Variants in IGFN1 observed in about 807,000 individuals in gnomAD.
IGFN1 encodes immunoglobulin like and fibronectin type III domain containing 1, also known as immunoglobulin-like and fibronectin type III domain-containing protein 1.
In IGFN1, 253 loss-of-function variants were observed where a neutral mutation model predicts 289.5. The ratio of observed to expected loss-of-function variants is 0.87; its 90% CI spans 0.79 to 0.97. The LOEUF (loss-of-function observed/expected upper bound fraction) is 0.97. Among genes scored for constraint, IGFN1 ranks in the 50% least tolerant of loss-of-function variants. IGFN1 has a pLI of 0.00. For synonymous variants in IGFN1, 1,706 were observed against 1,788.5 expected (o/e 0.95, Z 1.16); for missense variants, 4,470 against 4,686.1 (o/e 0.95, Z 1.35).
rs372970660 is a variant in IGFN1, at chr1:201,194,229, C to T, written c.83C>T (p.Thr28Met). The T allele has an allele frequency of 1.2e-4, 186 of 1,551,470 alleles. No individual in the cohort carries two copies. The highest frequency in any genetic ancestry group is 1.3e-4 in the Non-Finnish European group (152 of 1,146,966). The change falls in exon 3 of 24, where the codon ACG becomes ATG. Residue 28 changes from threonine (T) to methionine (M), a missense_variant. By Grantham distance (81) the Thr-to-Met change is moderately conservative. Transcript: ENST00000335211. Reference sequence around the variant, plus strand: ...GAGGAGATCCCTGAAGGCTGCAGCACGCCGGACTTTGAGCAGAAGCCCGTC... The same window carrying T: ...GAGGAGATCCCTGAAGGCTGCAGCATGCCGGACTTTGAGCAGAAGCCCGTC... ...LVEEIPEGCS[T>M]PDFEQKPVTS...
At position 201,228,411 on chromosome 1, in the gene IGFN1, C is replaced by T. The variant is rs1400888489; in HGVS notation, c.*12C>T. ...AACCCAGCACCTAGCCTCACCTCACCCTGGGATGGTCCTGGACCCTTGAAG... is the reference window on the plus strand; with the variant it reads ...AACCCAGCACCTAGCCTCACCTCACTCTGGGATGGTCCTGGACCCTTGAAG... On this transcript the variant is annotated 3_prime_UTR_variant, in exon 24 of 24. Coordinates refer to ENST00000335211, the MANE Select transcript of IGFN1 (RefSeq NM_001164586.2). The T allele has an allele frequency of 6.2e-7, 1 of 1,613,900 alleles. No individual in the cohort carries two copies. The highest frequency in any genetic ancestry group is 8.5e-7 in the Non-Finnish European group (1 of 1,179,820).
intron 23 of IGFN1, among the ~76,000 whole-genome samples, chr1:201,227,916 A>G (rs1654219796): frequency 6.6e-6 from 1 of 152,232 alleles, no homozygotes; most frequent in South Asian, 2.1e-4. Flanking sequence ...CTAGAAAGCC[A>G]TGCTGATTCT....
rs1210993759 is a variant in IGFN1 at position 201,205,155 on chromosome 1, T to C, written c.990T>C (p.Cys330=). The C allele has an allele frequency of 1.9e-6, 3 of 1,551,020 alleles. No homozygotes were observed. The South Asian group carries it at 3.6e-5, about 18-fold the overall frequency. Residue 330 remains cysteine, a synonymous_variant, in exon 11 of 24, where the codon TGT becomes TGC. Transcript: ENST00000335211. Reference sequence around the variant, plus strand: ...AGCAGGGTGACGCAGTCTTTGAATGTACCCTCTCCAGCCCCTGCCCTAGTG... The same window carrying C: ...AGCAGGGTGACGCAGTCTTTGAATGCACCCTCTCCAGCCCCTGCCCTAGTG... The part of the protein sequence containing the change: ...CEEQGDAVFE[C]TLSSPCPSAA...
chr1:201,207,788 A>C lies in IGFN1; in HGVS notation c.2895A>C (p.Ile965=), dbSNP rs980815753. The change falls in exon 12 of 24, where the codon ATA becomes ATC. Residue 965 remains isoleucine, a synonymous_variant. Coordinates refer to ENST00000335211, the MANE Select transcript of IGFN1 (RefSeq NM_001164586.2). ...YEGGLGYSRE[I]SSKSGAGYSY... ...GTGGCTTAGGATATTCTAGGGAAAT[A>C]AGCTCTAAAAGCGGGGCTGGTTATA... 3 of 1,535,938 alleles carry C rather than the reference A, an allele frequency of 2.0e-6. No individual in the cohort carries two copies. Among genetic ancestry groups the C allele is most frequent in the African/African-American group, 2.7e-5 (2 of 72,886 alleles).
In IGFN1 at chr1:201,218,463, G is replaced by A. The variant is rs986309174; in HGVS notation, c.9770-67G>A. ...GCTTGGTCTCCTTCAGAACTTGGAG[G>A]CACCCAAGCTATCTCCCCATGTCCA... On this transcript the variant is annotated intron_variant, in intron 17 of 23. Coordinates refer to ENST00000335211, the MANE Select transcript of IGFN1 (RefSeq NM_001164586.2). The A allele has an allele frequency of 3.9e-6, 6 of 1,530,754 alleles. No homozygotes were observed. In the African/African-American group the frequency reaches 6.8e-5, roughly 17 times the overall value. 94.8% of individuals were successfully genotyped at this position (1,530,754 alleles called of 1,614,324 possible). A position where few individuals can be genotyped will look rare whatever the true frequency, so the allele number is the denominator to read the frequency against.
At position 201,221,659 on chromosome 1, in the gene IGFN1, T is replaced by C. The variant is rs1188107894; in HGVS notation, c.10114T>C (p.Tyr3372His). 6.2e-7 allele frequency: 1 copy of C among 1,614,202 alleles called. No individual in the cohort carries two copies. The change falls in exon 19 of 24, where the codon TAC (tyrosine) becomes CAC (histidine). Residue 3372 changes from tyrosine (Y) to histidine (H), a missense_variant. By Grantham distance (83) the Tyr-to-His change is moderately conservative. Around this residue, in one of 8 missense-constraint regions of IGFN1, gnomAD observed 2,218 missense variants for 2,114.1 expected, o/e 1.05. Coordinates refer to ENST00000335211, the MANE Select transcript of IGFN1 (RefSeq NM_001164586.2). ...TAKGLRPGEG[Y>H]FVRVTAVNEG... is the part of the protein sequence containing the mutation. ...CAAGGGGCTTCGGCCTGGAGAGGGC[T>C]ACTTCGTGCGGGTGACAGCAGTTAA...
At chr1:201,224,966 A>T in intron 21 of IGFN1, 92 bp downstream of exon 21, 2 of 890,084 alleles carry the variant, frequency 2.2e-6, no homozygotes, top group South Asian at 3.8e-5. Context: ...GGTCTCAGCC[A>T]CTCTACCAGG....
At position 201,195,822 on chromosome 1, in the gene IGFN1, GTC is replaced by G; in HGVS notation, c.128-13_128-12del. The G allele has an allele frequency of 6.5e-7, 1 of 1,549,918 alleles. No individual in the cohort carries two copies. The highest frequency in any genetic ancestry group is 2.0e-5 in the Admixed American group (1 of 50,862). ...TCCCAACTTGTCAGTCTCCCTACTC[GTC>G]TCTTCCTGCTGCAGGGAAAAATGCT... On this transcript the variant is annotated splice_polypyrimidine_tract_variant and intron_variant, in intron 3 of 23. Coordinates refer to ENST00000335211, the MANE Select transcript of IGFN1 (RefSeq NM_001164586.2).
chr1:201,216,533 A>G lies in IGFN1; in HGVS notation c.9375A>G (p.Pro3125=). Residue 3125 remains proline, a synonymous_variant, in exon 16 of 24, where the codon CCA becomes CCG. Transcript: ENST00000335211. Reference sequence around the variant, plus strand: ...GCGTCTGCCTCCGCTGGCGGCCCCCAAGGGACAATGGGGGCCGGACTGTAG... The same window carrying G: ...GCGTCTGCCTCCGCTGGCGGCCCCCGAGGGACAATGGGGGCCGGACTGTAG... ...RAGVCLRWRP[P]RDNGGRTVEC... is the part of the protein sequence containing the mutation. The G allele has an allele frequency of 1.2e-6, 2 of 1,612,434 alleles. No homozygotes were observed. The highest frequency in any genetic ancestry group is 1.7e-6 in the Non-Finnish European group (2 of 1,179,298).
At chr1:201,192,028 C>T (rs1248726006) in intron 1 of IGFN1, among the ~76,000 whole-genome samples, 1 of 152,226 alleles carries the variant, frequency 6.6e-6, no homozygotes, top group Non-Finnish European at 1.5e-5. Flanking sequence ...CTGGCCGTGT[C>T]CAGCTGGGTC....
chr1:201,212,796 A>G lies in IGFN1; in HGVS notation c.7903A>G (p.Ser2635Gly). 6.4e-7 allele frequency: 1 copy of G among 1,551,532 alleles called. No homozygotes were observed. The highest frequency in any genetic ancestry group is 8.7e-7 in the Non-Finnish European group (1 of 1,146,924). Residue 2635 changes from serine (S) to glycine (G), a missense_variant, in exon 12 of 24, where the codon AGC (serine) becomes GGC (glycine). By Grantham distance (56) the Ser-to-Gly change is moderately conservative. Around this residue, in one of 8 missense-constraint regions of IGFN1, gnomAD observed 2,218 missense variants for 2,114.1 expected, o/e 1.05. Transcript: ENST00000335211. Reference protein sequence around the residue: ...WAPDWENQGFSQGSIDAGKQP... With the variant: ...WAPDWENQGFGQGSIDAGKQP... Reference sequence around the variant, plus strand: ...TCCTGATTGGGAAAACCAGGGGTTTAGCCAAGGCAGCATAGATGCTGGGAA... The same window carrying G: ...TCCTGATTGGGAAAACCAGGGGTTTGGCCAAGGCAGCATAGATGCTGGGAA...
chr1:201,205,184 C>G lies in IGFN1; in HGVS notation c.1019C>G (p.Ala340Gly), dbSNP rs61749969. ...CTLSSPCPSA[A>G]WHFRHRLLHP... ...CTCTCCAGCCCCTGCCCTAGTGCAGCCTGGCATTTCCGGCACCGGCTACTC... is the reference window on the plus strand; with the variant it reads ...CTCTCCAGCCCCTGCCCTAGTGCAGGCTGGCATTTCCGGCACCGGCTACTC... Residue 340 changes from alanine (A) to glycine (G), a missense_variant, in exon 11 of 24, where the codon GCC becomes GGC. Physicochemically the swap from Ala to Gly is moderately conservative, Grantham distance 60. Around this residue, in one of 8 missense-constraint regions of IGFN1, gnomAD observed 2,011 missense variants for 1,953.4 expected, o/e 1.03. Coordinates refer to ENST00000335211, the MANE Select transcript of IGFN1 (RefSeq NM_001164586.2). 2.0e-3 allele frequency: 3,166 copies of G among 1,551,304 alleles called. 67 individuals carry two copies. The African/African-American group carries it at 0.039, about 19-fold the overall frequency.
chr1:201,211,043 A>C lies in IGFN1; in HGVS notation c.6150A>C (p.Ala2050=). 1 of 1,500,222 alleles carries C rather than the reference A, an allele frequency of 6.7e-7. No homozygotes were observed. Among genetic ancestry groups the C allele is most frequent in the South Asian group, 1.2e-5 (1 of 81,964 alleles). The allele number at this position is 1,500,222 out of a possible 1,614,324, so 92.9% of individuals were successfully genotyped here. ...APERIGSGSK[A]GFRDGLGSSV... ...AGAGAATAGGTTCAGGAAGTAAGGC[A>C]GGTTTTAGGGATGGTTTAGGGAGTT... is the stretch of plus-strand genomic sequence containing the variant. Residue 2050 remains alanine, a synonymous_variant, in exon 12 of 24, where the codon GCA becomes GCC. Coordinates refer to ENST00000335211, the MANE Select transcript of IGFN1 (RefSeq NM_001164586.2).
intron 11 of IGFN1, 105 bp from the exon 12 acceptor site, chr1:201,205,978 T>C (rs1323993122): frequency 3.7e-6 from 3 of 819,810 alleles, no homozygotes; most frequent in East Asian, 5.3e-5. Flanking sequence ...GGCAAGCAGC[T>C]GGGCTCAGGC....
chr1:201,195,007 C>G (rs566276377), intron 3 of IGFN1, among the ~76,000 whole-genome samples: 6 of 152,258 alleles, frequency 3.9e-5, no homozygotes, highest in African/African-American at 7.2e-5. Context: ...GCCTCCATGA[C>G]AGGCATGGAG....
rs988079489 is a variant in IGFN1 at position 201,211,897 on chromosome 1, G to T, written c.7004G>T (p.Gly2335Val). Residue 2335 changes from glycine to valine, a missense_variant, in exon 12 of 24, where the codon GGG (glycine) becomes GTG (valine). By Grantham distance (109) the Gly-to-Val change is moderately radical. Around this residue, in one of 8 missense-constraint regions of IGFN1, gnomAD observed 2,218 missense variants for 2,114.1 expected, o/e 1.05. Transcript: ENST00000335211. Reference sequence around the variant, plus strand: ...GGGGGAACTAGTGGCATGGGGTCAGGGAGTGAGGTCAGTTATAGAGGAGGC... The same window carrying T: ...GGGGGAACTAGTGGCATGGGGTCAGTGAGTGAGGTCAGTTATAGAGGAGGC... ...GFGGTSGMGSGSEVSYRGGSG... is the reference protein window; with the variant it reads ...GFGGTSGMGSVSEVSYRGGSG... The T allele has an allele frequency of 3.9e-6, 6 of 1,529,832 alleles. No individual in the cohort carries two copies. The highest frequency in any genetic ancestry group is 5.2e-6 in the Non-Finnish European group (6 of 1,143,126). 94.8% of individuals were successfully genotyped at this position (1,529,832 alleles called of 1,614,324 possible). A position where few individuals can be genotyped will look rare whatever the true frequency, so the allele number is the denominator to read the frequency against.
intron 15 of IGFN1, 105 bp from the exon 16 acceptor site, chr1:201,216,349 G>A (rs1219137829): frequency 1.2e-5 from 11 of 902,044 alleles, no homozygotes; most frequent in Non-Finnish European, 1.8e-5. Flanking sequence ...ATGAGTGGAT[G>A]GGGGTGGGGG....
Position 201,197,311 on chromosome 1 carries a change from A to C in IGFN1, c.361A>C (p.Ile121Leu), listed in dbSNP as rs1043923952. ...CGCTTGCTCAGTGAGACTCACTGTC[A>C]TCGAAGGTGGGCTTTTCCCTGAGTT... is the stretch of plus-strand genomic sequence containing the variant. ...EAACSVRLTV[I>L]EVGFRKNRKR... The change falls in exon 5 of 24, where the codon ATC becomes CTC. Residue 121 changes from isoleucine to leucine, a missense_variant. Physicochemically the swap from Ile to Leu is conservative, Grantham distance 5. Transcript: ENST00000335211. The C allele has an allele frequency of 6.5e-7, 1 of 1,543,774 alleles. No homozygotes were observed. Among genetic ancestry groups the C allele is most frequent in the Non-Finnish European group, 8.8e-7 (1 of 1,140,014 alleles).
At position 201,190,886 on chromosome 1, in the gene IGFN1, G is replaced by A. The variant is rs1023859011; in HGVS notation, c.-69G>A. ...GGGGAAGAGGGAGCAGACAGGAAGC[G>A]GGAGGTCAGCTGTACACCCAGGTAA... is the stretch of plus-strand genomic sequence containing the variant. On this transcript the variant is annotated 5_prime_UTR_variant, in exon 1 of 24. Coordinates refer to ENST00000335211, the MANE Select transcript of IGFN1 (RefSeq NM_001164586.2). 1 of 152,720 alleles carries A rather than the reference G, an allele frequency of 6.5e-6. No homozygotes were observed. The highest frequency in any genetic ancestry group is 1.5e-5 in the Non-Finnish European group (1 of 68,408). The allele number at this position is 152,720 out of a possible 1,614,324, so 9.5% of individuals were successfully genotyped here.
Sources: gnomAD v4.1 joint callset for allele counts (sites outside exome capture counted in the v4.1 genomes callset) on GRCh38, gnomAD v4.1.1 for gene constraint, gnomAD v4.1.1 regional missense constraint, MANE v1.5 for transcripts, NCBI Gene and HGNC (gene_info 2026-07-23, HGNC 2026-07-21) for gene names.